Variants in C3orf22 observed in about 807,000 individuals in gnomAD.
C3orf22 encodes the protein uncharacterized protein C3orf22.
In C3orf22, 7 loss-of-function variants were observed where a neutral mutation model predicts 10.8. The ratio of observed to expected loss-of-function variants is 0.65; its 90% CI spans 0.37 to 1.22. The LOEUF (loss-of-function observed/expected upper bound fraction) is 1.22, where lower values mean the gene tolerates loss of function less well. Among genes scored for constraint, C3orf22 ranks in the 50% most tolerant of loss-of-function variants. C3orf22 has a pLI of 0.02. For missense variants in C3orf22, 173 were observed against 177.0 expected, an observed-to-expected ratio of 0.98 and a Z score of 0.13; for synonymous variants, 79 against 78.9, an observed-to-expected ratio of 1.00 and a Z score of 0.00.
chr3:126,550,201 C>T, intron 3 of C3orf22, 123 bp from the exon 4 acceptor site: 1 of 1,091,990 alleles, frequency 9.2e-7, no homozygotes. Context: ...TACTCCCAAC[C>T]AGGCTTGACC....
At chr3:126,534,188 T>C (rs1936714513) in intron 4 of C3orf22, among the ~76,000 whole-genome samples, 1 of 152,254 alleles carries the variant, frequency 6.6e-6, no homozygotes, top group Non-Finnish European at 1.5e-5. Context: ...TATTAGTTTA[T>C]TAATATGCAT....
At chr3:126,544,309 C>T (rs1024790768) in intron 4 of C3orf22, among the ~76,000 whole-genome samples, 2 of 152,210 alleles carry the variant, frequency 1.3e-5, no homozygotes, top group Admixed American at 6.5e-5. Flanking sequence ...TCACCAGATG[C>T]AGTCCCTAAC....
intron 3 of C3orf22, among the ~76,000 whole-genome samples, chr3:126,550,388 TCCTGCCCAA>T (rs1230377381): frequency 6.6e-6 from 1 of 152,120 alleles, no homozygotes; most frequent in Non-Finnish European, 1.5e-5. Flanking sequence ...TGGTCTCAAG[TCCTGCCCAA>T]CCACTAAGCA....
chr3:126,534,354 T>C (rs116707577), intron 4 of C3orf22, among the ~76,000 whole-genome samples: 4,481 of 152,304 alleles, frequency 0.029, 95 homozygotes, highest in African/African-American at 0.057. Context: ...GATTTTTACT[T>C]ATAATAGTTC....
In C3orf22 at chr3:126,536,664, G is replaced by A. The variant is rs183800650; in HGVS notation, c.287-7292C>T. Among the ~76,000 whole-genome samples the A allele has an allele frequency of 2.7e-3, 416 of 151,982 alleles. 1 individual carries two copies. The highest frequency in any genetic ancestry group is 5.0e-3 in the Non-Finnish European group (339 of 67,954). On this transcript the variant is annotated intron_variant and NMD_transcript_variant, in intron 4 of 5. Coordinates refer to the C3orf22 transcript ENST00000505070. ...CTGCCCTCAGGAAGTTTACAGTCTC[G>A]TGGGAGACTAAATCTCAGTGTGTGC...
Position 126,557,979 on chromosome 3 carries a change from A to ACAGCCTG in C3orf22, c.-41+647_-41+648insCAGGCTG, listed in dbSNP as rs1221907124. Among the ~76,000 whole-genome samples, 21 of 152,208 alleles carry ACAGCCTG rather than the reference A, an allele frequency of 1.4e-4. No individual in the cohort carries two copies. The East Asian group carries it at 4.1e-3, about 30-fold the overall frequency. ...CAGTCCTGCAGCCACAGCCTGGGCC[A>ACAGCCTG]GGCCCCAGCTCAGCCCCTTCCTGTC... On this transcript the variant is annotated intron_variant, in intron 1 of 3. Transcript: ENST00000318225.
intron 4 of C3orf22, among the ~76,000 whole-genome samples, chr3:126,529,929 G>A (rs1936616558): frequency 6.6e-6 from 1 of 152,266 alleles, no homozygotes; most frequent in South Asian, 2.1e-4. Flanking sequence ...TGTCCCCTTG[G>A]CAGGGGGTGG....
At chr3:126,558,318 G>A (rs1937402001) in intron 1 of C3orf22, among the ~76,000 whole-genome samples, 1 of 152,198 alleles carries the variant, frequency 6.6e-6, no homozygotes, top group South Asian at 2.1e-4. Context: ...CTCCTGCTGG[G>A]CCATGCAGCC....
chr3:126,547,832 G>A (rs528761440), downstream of C3orf22, among the ~76,000 whole-genome samples: 16 of 152,290 alleles, frequency 1.1e-4, no homozygotes, highest in Non-Finnish European at 2.1e-4. Context: ...TAGAGCAGCA[G>A]CACCCACAGT....
intron 1 of C3orf22, among the ~76,000 whole-genome samples, chr3:126,558,071 T>G (rs1231728255): frequency 6.7e-6 from 1 of 150,320 alleles, no homozygotes; most frequent in African/African-American, 2.5e-5. Context: ...AGGGGAAGCC[T>G]GGGCCGGGAC....
At chr3:126,547,784 G>A (rs1181220578), downstream of C3orf22, among the ~76,000 whole-genome samples, 1 of 152,114 alleles carries the variant, frequency 6.6e-6, no homozygotes, top group African/African-American at 2.4e-5. Context: ...GTTGGGGAGG[G>A]GAGACAGTAC....
At chr3:126,549,039 G>A (rs1937117719), downstream of C3orf22, among the ~76,000 whole-genome samples, 2 of 152,112 alleles carry the variant, frequency 1.3e-5, no homozygotes, top group South Asian at 4.1e-4. Flanking sequence ...CAGGCACCCC[G>A]CTGCCCAGTG....
At chr3:126,555,202 C>T (rs866954107) in intron 1 of C3orf22, among the ~76,000 whole-genome samples, 47 of 152,196 alleles carry the variant, frequency 3.1e-4, no homozygotes, top group African/African-American at 9.9e-4. Flanking sequence ...TGGCTCCTGT[C>T]CTCTCTCAGG....
chr3:126,550,656 C>T (rs1937160631), intron 3 of C3orf22, among the ~76,000 whole-genome samples: 1 of 152,228 alleles, frequency 6.6e-6, no homozygotes, highest in African/African-American at 2.4e-5. Flanking sequence ...CCACAGCCCC[C>T]TCCCTACCTC....
Position 126,558,794 on chromosome 3 carries a change from C to T in C3orf22, c.-208G>A, listed in dbSNP as rs1386183412. On this transcript the variant is annotated 5_prime_UTR_variant, in exon 1 of 4. An upstream open reading frame in the 5' UTR gains an earlier in-frame stop. Coordinates refer to ENST00000318225, the MANE Select transcript of C3orf22 (RefSeq NM_152533.3). ...GAAAGACCCAGTCCCAGGCTATGCC[C>T]AGAGCTTCCAGCCAGAAAGGACAAG... 1 of 152,310 alleles carries T rather than the reference C, an allele frequency of 6.6e-6. No homozygotes were observed. Among genetic ancestry groups the T allele is most frequent in the East Asian group, 1.9e-4 (1 of 5,202 alleles). 9.4% of individuals were successfully genotyped at this position (152,310 alleles called of 1,614,324 possible).
At chr3:126,544,828 G>A (rs1221941429), downstream of C3orf22, among the ~76,000 whole-genome samples, 1 of 152,248 alleles carries the variant, frequency 6.6e-6, no homozygotes, top group Non-Finnish European at 1.5e-5. Context: ...GCCCCCATGT[G>A]TACATGCTGC....
chr3:126,533,042 C>G (rs1283586324), intron 4 of C3orf22, among the ~76,000 whole-genome samples: 3 of 152,150 alleles, frequency 2.0e-5, no homozygotes, highest in Admixed American at 6.5e-5. Flanking sequence ...TTATTCATTG[C>G]TAGTATATAG....
At chr3:126,556,612 G>C (rs942296179) in intron 1 of C3orf22, among the ~76,000 whole-genome samples, 1 of 151,882 alleles carries the variant, frequency 6.6e-6, no homozygotes, top group Non-Finnish European at 1.5e-5. Flanking sequence ...CCGCTAAGCA[G>C]GTTTCCCACC....
In C3orf22 at chr3:126,549,732, T is replaced by C; in HGVS notation, c.*136A>G. ...CAGTTTATTAGCTTGGTGTAGCTTT[T>C]TGGGGGGACCACAAACCACTCCCGG... On this transcript the variant is annotated 3_prime_UTR_variant, in exon 4 of 4. Coordinates refer to ENST00000318225, the MANE Select transcript of C3orf22 (RefSeq NM_152533.3). 4 of 1,513,140 alleles carry C rather than the reference T, an allele frequency of 2.6e-6. No individual in the cohort carries two copies. The South Asian group carries it at 3.8e-5, about 14-fold the overall frequency. 93.7% of individuals were successfully genotyped at this position (1,513,140 alleles called of 1,614,324 possible).
Sources: allele counts gnomAD v4.1 joint callset (sites outside exome capture counted in the v4.1 genomes callset), GRCh38; gene constraint gnomAD v4.1.1; transcripts MANE v1.5; gene names NCBI Gene and HGNC (gene_info 2026-07-23, HGNC 2026-07-21).